Variants in MRPS27 observed in about 807,000 individuals in gnomAD.
MRPS27 encodes the protein small ribosomal subunit protein mS27.
Under a neutral mutation model 48.9 loss-of-function variants are expected in MRPS27, and 43 were observed. The ratio of observed to expected loss-of-function variants is 0.88; its 90% confidence interval spans 0.69 to 1.13. The LOEUF is 1.13. Among genes scored for constraint, MRPS27 ranks in the 50% most tolerant of loss-of-function variants. MRPS27 has a pLI of 0.00. For synonymous variants in MRPS27, 188 were observed against 171.9 expected (o/e 1.09, Z -0.73); for missense variants, 467 against 476.3 (o/e 0.98, Z 0.18).
intron 4 of MRPS27, among the ~76,000 whole-genome samples, chr5:72,294,180 C>A (rs1191185749): frequency 2.0e-5 from 3 of 151,818 alleles, no homozygotes; most frequent in Non-Finnish European, 4.4e-5. Context: ...GTAGCATCTA[C>A]CCAATTCAGA....
chr5:72,263,045 G>C (rs1749023994), intron 4 of MRPS27, among the ~76,000 whole-genome samples: 2 of 152,096 alleles, frequency 1.3e-5, no homozygotes, highest in Non-Finnish European at 2.9e-5. Flanking sequence ...CAGAAAAAAA[G>C]CAAAAATGAA....
At chr5:72,289,234 C>G (rs1188287635) in intron 4 of MRPS27, among the ~76,000 whole-genome samples, 1 of 152,156 alleles carries the variant, frequency 6.6e-6, no homozygotes, top group Non-Finnish European at 1.5e-5. Flanking sequence ...CAGTACACAG[C>G]TTGCCACGCA....
intron 4 of MRPS27, among the ~76,000 whole-genome samples, chr5:72,285,279 C>T (rs1001730219): frequency 5.3e-5 from 8 of 152,192 alleles, no homozygotes; most frequent in Non-Finnish European, 1.2e-4. Context: ...ACACTTGCTC[C>T]TGTTTCCTCT....
intron 1 of MRPS27, among the ~76,000 whole-genome samples, chr5:72,318,285 G>A (rs918221446): frequency 5.9e-5 from 9 of 152,124 alleles, no homozygotes; most frequent in African/African-American, 1.2e-4. Context: ...ATTTTGATCC[G>A]CTGTTGGTTG....
At chr5:72,241,424 T>C in intron 4 of MRPS27, 1 of 536,866 alleles carries the variant, frequency 1.9e-6, no homozygotes, top group Non-Finnish European at 3.3e-6. Flanking sequence ...AATGAACTCC[T>C]TTCTTGGCCC....
intron 4 of MRPS27, among the ~76,000 whole-genome samples, chr5:72,257,893 GC>G (rs1748851570): frequency 6.6e-6 from 1 of 152,004 alleles, no homozygotes; most frequent in African/African-American, 2.4e-5. Context: ...GACCAGCCTG[GC>G]CAACACGGTG....
chr5:72,309,230 A>G (rs746677889), intron 2 of MRPS27, among the ~76,000 whole-genome samples: 15 of 152,028 alleles, frequency 9.9e-5, no homozygotes, highest in Non-Finnish European at 1.5e-4. Context: ...TAACTGAGGA[A>G]AGGGAACAAA....
At chr5:72,291,997 T>C (rs1005137050) in intron 4 of MRPS27, among the ~76,000 whole-genome samples, 113 of 152,378 alleles carry the variant, frequency 7.4e-4, no homozygotes, top group African/African-American at 2.7e-3. Context: ...GCTTAAACTA[T>C]ACATATCGTA....
chr5:72,221,169 A>C (rs1366580887), intron 10 of MRPS27, 21 bp from the exon 11 acceptor site: 1 of 1,611,430 alleles, frequency 6.2e-7, no homozygotes. Context: ...CAAATGGGAA[A>C]AATGAGAAGA....
chr5:72,305,150 T>C (rs996593521), intron 2 of MRPS27, among the ~76,000 whole-genome samples: 3 of 152,050 alleles, frequency 2.0e-5, no homozygotes, highest in Admixed American at 6.5e-5. Flanking sequence ...CATAAATAAA[T>C]CCAATAAAGG....
chr5:72,238,955 G>A (rs896537098), intron 4 of MRPS27, among the ~76,000 whole-genome samples: 2 of 151,132 alleles, frequency 1.3e-5, no homozygotes, highest in African/African-American at 2.5e-5. Context: ...ATTGAGCTGC[G>A]AGATGGGGGT....
chr5:72,264,823 T>G (rs1236348420), intron 4 of MRPS27, among the ~76,000 whole-genome samples: 1 of 152,196 alleles, frequency 6.6e-6, no homozygotes, highest in Non-Finnish European at 1.5e-5. Flanking sequence ...GCCAGAACTA[T>G]GAAAGAATAA....
intron 1 of MRPS27, 176 bp from the exon 2 acceptor site, chr5:72,314,334 A>C: frequency 2.2e-6 from 1 of 453,560 alleles, no homozygotes; most frequent in Non-Finnish European, 3.9e-6. Context: ...AACAAAATGC[A>C]TTCAACCCCT....
chr5:72,269,223 G>A (rs1221021783), intron 4 of MRPS27, among the ~76,000 whole-genome samples: 1 of 152,094 alleles, frequency 6.6e-6, no homozygotes. Flanking sequence ...GCATCTTTCC[G>A]AAAAAGGTAC....
intron 5 of MRPS27, among the ~76,000 whole-genome samples, chr5:72,237,007 C>T (rs552190572): frequency 2.6e-4 from 40 of 151,684 alleles, no homozygotes; most frequent in African/African-American, 9.7e-4. Flanking sequence ...GCAGTCTCCA[C>T]CTCCTAGGCT....
At chr5:72,300,300 A>C (rs1242182882) in intron 2 of MRPS27, among the ~76,000 whole-genome samples, 1 of 152,202 alleles carries the variant, frequency 6.6e-6, no homozygotes, top group East Asian at 1.9e-4. Flanking sequence ...TAAACATTGG[A>C]GTGCCTCTAG....
chr5:72,269,596 CAAAT>C (rs1300050161), intron 4 of MRPS27, among the ~76,000 whole-genome samples: 1 of 152,070 alleles, frequency 6.6e-6, no homozygotes, highest in African/African-American at 2.4e-5. Flanking sequence ...GACTCAAACA[CAAAT>C]AAGAAATTAG....
intron 10 of MRPS27, among the ~76,000 whole-genome samples, chr5:72,222,728 A>G (rs1354071864): frequency 1.3e-5 from 2 of 152,188 alleles, no homozygotes; most frequent in East Asian, 1.9e-4. Context: ...TATACTGCCA[A>G]TTCTCTGGGT....
chr5:72,246,784 G>A (rs980443257), intron 4 of MRPS27, among the ~76,000 whole-genome samples: 1 of 152,162 alleles, frequency 6.6e-6, no homozygotes, highest in African/African-American at 2.4e-5. Flanking sequence ...GATGTATATA[G>A]TGAGATAAAA....
Sources: allele counts gnomAD v4.1 joint callset (sites outside exome capture counted in the v4.1 genomes callset), GRCh38; gene constraint gnomAD v4.1.1; transcripts MANE v1.5; gene names NCBI Gene and HGNC (gene_info 2026-07-23, HGNC 2026-07-21).